The following KIF27 variants were observed in gnomAD, a reference collection of about 807,000 sequenced individuals.
The protein encoded by KIF27 is kinesin family member 27, also known as kinesin-like protein KIF27.
In KIF27, 84 loss-of-function variants were observed where a neutral mutation model predicts 141.8. That is an observed-to-expected ratio of 0.59 (90% CI 0.50 to 0.71). The LOEUF (loss-of-function observed/expected upper bound fraction) is 0.71. Ranked by LOEUF, KIF27 falls within the 30% of genes least tolerant of loss-of-function variation. The pLI is 0.00. For synonymous variants in KIF27, 471 were observed against 569.5 expected, an observed-to-expected ratio of 0.83 and a Z score of 2.46; for missense variants, 1,306 against 1,628.4, an observed-to-expected ratio of 0.80 and a Z score of 3.41.
Position 83,899,683 on chromosome 9 carries a change from G to A in KIF27, c.1580C>T (p.Ala527Val), listed in dbSNP as rs550945409. ...TACCTGCAGTCTATTCACTTTTTGC[G>A]CTTCTTTCAAAGATACAGCATGCCC... ...NKGHAVSLKEAQKVNRLQNEK... is the reference protein window; with the variant it reads ...NKGHAVSLKEVQKVNRLQNEK... The change falls in exon 5 of 18, where the codon GCG (alanine) becomes GTG (valine). Residue 527 changes from alanine (A) to valine (V), a missense_variant. Physicochemically the swap from Ala to Val is moderately conservative, Grantham distance 64. Transcript: ENST00000297814. 21 of 1,613,110 alleles carry A rather than the reference G, an allele frequency of 1.3e-5. 1 individual carries two copies. The highest frequency in any genetic ancestry group is 8.9e-5 in the East Asian group (4 of 44,816).
At chr9:83,879,178 CAAA>C (rs576630144) in intron 11 of KIF27, among the ~76,000 whole-genome samples, 3 of 98,964 alleles carry the variant, frequency 3.0e-5, no homozygotes, top group Non-Finnish European at 4.2e-5. Context: ...AACTCCATCT[CAAA>C]AAAAAAAAAA....
Position 83,853,740 on chromosome 9 carries a change from T to C in KIF27, c.3246A>G (p.Ser1082=). 7 of 1,613,844 alleles carry C rather than the reference T, an allele frequency of 4.3e-6. No individual in the cohort carries two copies. Among genetic ancestry groups the C allele is most frequent in the Non-Finnish European group, 4.2e-6 (5 of 1,179,744 alleles). Residue 1082 remains serine, a synonymous_variant, in exon 15 of 18, where the codon TCA becomes TCG. Coordinates refer to ENST00000297814, the MANE Select transcript of KIF27 (RefSeq NM_017576.4). ...AGAGGTTATGGAATGATGCTCTAAG[T>C]GACTTCTGGCGATTCTGGATACTTT... The part of the protein sequence containing the change: ...RNESIQNRQK[S]LRASFHNLSR...
intron 6 of KIF27, 65 bp from the exon 7 acceptor site, chr9:83,889,318 A>G (rs944539858): frequency 2.6e-5 from 38 of 1,451,100 alleles, no homozygotes; most frequent in Admixed American, 6.0e-5. Flanking sequence ...ATTTTATCCT[A>G]TTACTCTAAG....
chr9:83,893,898 G>T (rs906788669), intron 5 of KIF27, among the ~76,000 whole-genome samples: 6 of 151,952 alleles, frequency 3.9e-5, no homozygotes, highest in African/African-American at 1.4e-4. Flanking sequence ...AAAAAAAAGT[G>T]AGAGAAGGCA....
chr9:83,904,656 C>T (rs1954306010), intron 3 of KIF27, among the ~76,000 whole-genome samples: 1 of 152,132 alleles, frequency 6.6e-6, no homozygotes, highest in Admixed American at 6.5e-5. Context: ...CAGGTGTGAG[C>T]CACTGCACCT....
At chr9:83,851,680 T>C (rs1393591375) in intron 15 of KIF27, among the ~76,000 whole-genome samples, 2 of 152,160 alleles carry the variant, frequency 1.3e-5, no homozygotes, top group Non-Finnish European at 2.9e-5. Flanking sequence ...GTCTACTGGA[T>C]TCTTCCCTGC....
chr9:83,878,041 G>A (rs541787972), intron 11 of KIF27, among the ~76,000 whole-genome samples: 159 of 151,772 alleles, frequency 1.0e-3, no homozygotes, highest in Non-Finnish European at 2.0e-3. Context: ...GCGGGTGCCT[G>A]TAGTCCCAGC....
chr9:83,886,368 T>C (rs1277540145), intron 9 of KIF27, among the ~76,000 whole-genome samples: 1 of 152,108 alleles, frequency 6.6e-6, no homozygotes, highest in African/African-American at 2.4e-5. Flanking sequence ...TCTTGCTCAT[T>C]AGAACCAAGG....
Position 83,853,751 on chromosome 9 carries a change from G to A in KIF27, c.3235C>T (p.Arg1079Cys), listed in dbSNP as rs773480141. The stretch of plus-strand genomic sequence containing the variant: ...AATGATGCTCTAAGTGACTTCTGGC[G>A]ATTCTGGATACTTTCATTCCTGTAT... ...IEYRNESIQNRQKSLRASFHN... is the reference protein window; with the variant it reads ...IEYRNESIQNCQKSLRASFHN... The change falls in exon 15 of 18, where the codon CGC (arginine) becomes TGC (cysteine). Residue 1079 changes from arginine (R) to cysteine (C), a missense_variant. By Grantham distance (180) the Arg-to-Cys change is radical. Coordinates refer to ENST00000297814, the MANE Select transcript of KIF27 (RefSeq NM_017576.4). 13 of 1,613,568 alleles carry A rather than the reference G, an allele frequency of 8.1e-6. No individual in the cohort carries two copies. The highest frequency in any genetic ancestry group is 8.5e-6 in the Non-Finnish European group (10 of 1,179,690).
At chr9:83,899,338 A>ATATTAGGTAAT (rs1301648198) in intron 5 of KIF27, among the ~76,000 whole-genome samples, 1 of 152,242 alleles carries the variant, frequency 6.6e-6, no homozygotes, top group East Asian at 1.9e-4. Flanking sequence ...TTTACCATCC[A>ATATTAGGTAAT]ACTCCTAACA....
intron 11 of KIF27, among the ~76,000 whole-genome samples, chr9:83,878,640 T>A (rs1951425004): frequency 6.6e-6 from 1 of 152,100 alleles, no homozygotes; most frequent in Non-Finnish European, 1.5e-5. Context: ...CTAAATGAAA[T>A]AAGGCTGACA....
chr9:83,898,058 T>C (rs1040660144), intron 5 of KIF27, among the ~76,000 whole-genome samples: 6 of 151,978 alleles, frequency 3.9e-5, no homozygotes, highest in Non-Finnish European at 5.9e-5. Context: ...TAAAGATATA[T>C]CTACCCTATG....
intron 12 of KIF27, among the ~76,000 whole-genome samples, chr9:83,868,919 T>C (rs994547767): frequency 5.9e-5 from 9 of 152,098 alleles, no homozygotes; most frequent in Admixed American, 1.3e-4. Flanking sequence ...CTACAATTAT[T>C]AGGAAGAGAA....
chr9:83,845,688 C>A (rs1418413856), intron 16 of KIF27, among the ~76,000 whole-genome samples: 1 of 152,222 alleles, frequency 6.6e-6, no homozygotes, highest in Non-Finnish European at 1.5e-5. Flanking sequence ...GAACTTTGAA[C>A]AGTGCACCTG....
At chr9:83,887,958 G>A (rs1243291729) in intron 8 of KIF27, among the ~76,000 whole-genome samples, 1 of 149,088 alleles carries the variant, frequency 6.7e-6, no homozygotes, top group Non-Finnish European at 1.5e-5. Context: ...GGTCAACCAC[G>A]CATTGACCAA....
chr9:83,871,587 C>T (rs1353689347), intron 11 of KIF27, among the ~76,000 whole-genome samples: 2 of 151,882 alleles, frequency 1.3e-5, no homozygotes, highest in African/African-American at 4.8e-5. Context: ...AAGTAATGTT[C>T]AATTTCTAGT....
At position 83,856,726 on chromosome 9, in the gene KIF27, C is replaced by G. The variant is rs571539857; in HGVS notation, c.3150+2430G>C. Among the ~76,000 whole-genome samples the G allele has an allele frequency of 1.9e-4, 23 of 121,608 alleles. 1 individual carries two copies. Among genetic ancestry groups the G allele is most frequent in the Middle Eastern group, 0.012 (2 of 168 alleles). 79.8% of individuals were successfully genotyped at this position (121,608 alleles called of 152,430 possible). ...ACTGCACTCCAGCCTGGTGACAGAGCAAGACTCCGTCTCAAAAAAAAAAAA... is the reference window on the plus strand; with the variant it reads ...ACTGCACTCCAGCCTGGTGACAGAGGAAGACTCCGTCTCAAAAAAAAAAAA... On this transcript the variant is annotated intron_variant, in intron 14 of 17. Transcript: ENST00000297814.
At chr9:83,870,662 T>A in intron 11 of KIF27, 30 bp from the exon 12 acceptor site, 2 of 1,611,694 alleles carry the variant, frequency 1.2e-6, no homozygotes, top group Non-Finnish European at 1.7e-6. Flanking sequence ...AAACACCTTA[T>A]TGCTTTTACA....
rs574921591 is a variant in KIF27 at position 83,861,500 on chromosome 9, C to G, written c.2935-2129G>C. Among the ~76,000 whole-genome samples, 7 of 152,186 alleles carry G rather than the reference C, an allele frequency of 4.6e-5. No individual in the cohort carries two copies. In the South Asian group the frequency reaches 1.5e-3, roughly 32 times the overall value. On this transcript the variant is annotated intron_variant, in intron 13 of 17. Transcript: ENST00000297814. ...CAGCTTCATCCATGTCCCTACAAAC[C>G]ACATGAACTCATCACTTTTTATGGC... is the stretch of plus-strand genomic sequence containing the variant.
Sources: allele counts gnomAD v4.1 joint callset (sites outside exome capture counted in the v4.1 genomes callset), GRCh38; gene constraint gnomAD v4.1.1; transcripts MANE v1.5; gene names NCBI Gene and HGNC (gene_info 2026-07-23, HGNC 2026-07-21).